EPHA6: variants seen among roughly 807,000 people sequenced by gnomAD.
EPHA6 encodes ephrin type-A receptor 6.
Under a neutral mutation model 112.0 loss-of-function variants are expected in EPHA6, and 50 were observed. The ratio of observed to expected loss-of-function variants is 0.45; its 90% CI spans 0.36 to 0.56. The LOEUF is 0.56. Ranked by LOEUF, EPHA6 falls within the 20% of genes least tolerant of loss-of-function variation. EPHA6 has a pLI of 0.00. For missense variants in EPHA6, 1,280 were observed against 1,417.4 expected (o/e 0.90, Z 1.56); for synonymous variants, 529 against 490.7 (o/e 1.08, Z -1.03).
In EPHA6 at chr3:97,756,498, T is replaced by C. The variant is rs376999441; in HGVS notation, c.*7797T>C. 7.9e-5 allele frequency among the ~76,000 whole-genome samples: 12 copies of C among 152,088 alleles called. No individual in the cohort carries two copies. The East Asian group carries it at 2.1e-3, about 27-fold the overall frequency. ...AGCTTTTCAAAATTGCTGCTCTGCATGGAAAGTAAGGTTTAATGTGTATAA... is the reference window on the plus strand; with the variant it reads ...AGCTTTTCAAAATTGCTGCTCTGCACGGAAAGTAAGGTTTAATGTGTATAA... On this transcript the variant is annotated 3_prime_UTR_variant, in exon 18 of 18. Transcript: ENST00000389672.
At chr3:97,186,518 T>A (rs2077142142) in intron 3 of EPHA6, among the ~76,000 whole-genome samples, 1 of 152,160 alleles carries the variant, frequency 6.6e-6, no homozygotes, top group Non-Finnish European at 1.5e-5. Context: ...ATGCCTTTAA[T>A]ATCTTTTCGC....
chr3:97,759,774 G>A lies in EPHA6; in HGVS notation c.*11073G>A. On this transcript the variant is annotated 3_prime_UTR_variant, in exon 18 of 18. Transcript: ENST00000389672. ...GCAGGATGGGAAGGACGTATAGGTT[G>A]GAAGAGACATATGTAAGTAGTTGGA... The A allele has an allele frequency of 4.4e-6, 1 of 225,526 alleles. No homozygotes were observed. Among genetic ancestry groups the A allele is most frequent in the East Asian group, 6.4e-5 (1 of 15,638 alleles). 14.0% of individuals were successfully genotyped at this position (225,526 alleles called of 1,614,324 possible).
intron 3 of EPHA6, among the ~76,000 whole-genome samples, chr3:97,028,081 TG>T (rs2044704340): frequency 6.6e-6 from 1 of 152,056 alleles, no homozygotes; most frequent in Non-Finnish European, 1.5e-5. Context: ...GTTCCAAAAG[TG>T]GGAAATAAAA....
chr3:97,561,657 C>T (rs756766171), intron 11 of EPHA6, among the ~76,000 whole-genome samples: 22 of 152,170 alleles, frequency 1.4e-4, no homozygotes, highest in Non-Finnish European at 2.5e-4. Flanking sequence ...TGCAAGTTAT[C>T]CAGAAGATCT....
intron 3 of EPHA6, chr3:96,994,230 A>G: frequency 2.5e-6 from 1 of 401,144 alleles, no homozygotes; most frequent in South Asian, 2.4e-5. Flanking sequence ...GGGTTGCTTT[A>G]TTATACATAG....
rs1437620 is a variant in EPHA6 at position 97,524,837 on chromosome 3, A to G, written c.2201-7521A>G. Among the ~76,000 whole-genome samples the G allele has an allele frequency of 0.035, 5,402 of 152,234 alleles. 582 individuals are homozygous for G. The East Asian group carries it at 0.4, about 11-fold the overall frequency. ...CAAGGTTTCTGTTGAGAAGTCATGT[A>G]TAGTCCTATGGGAGATCATTTTTAT... On this transcript the variant is annotated intron_variant, in intron 10 of 17. Transcript: ENST00000389672.
At chr3:97,259,477 C>T (rs913534510) in intron 5 of EPHA6, among the ~76,000 whole-genome samples, 1 of 152,140 alleles carries the variant, frequency 6.6e-6, no homozygotes, top group African/African-American at 2.4e-5. Flanking sequence ...TGATGCAATA[C>T]TTTCCAAATA....
intron 3 of EPHA6, among the ~76,000 whole-genome samples, chr3:97,092,457 G>A (rs1431710710): frequency 6.6e-6 from 1 of 152,066 alleles, no homozygotes; most frequent in East Asian, 1.9e-4. Context: ...TCTTAGGCCT[G>A]AGCGAAAATA....
intron 5 of EPHA6, among the ~76,000 whole-genome samples, chr3:97,306,323 C>G (rs1184972358): frequency 7.0e-6 from 1 of 143,112 alleles, no homozygotes; most frequent in African/African-American, 2.6e-5. Flanking sequence ...TAAAGTGTTC[C>G]TCTTATCTAT....
intron 3 of EPHA6, among the ~76,000 whole-genome samples, chr3:97,097,087 GA>G (rs1340114064): frequency 3.3e-5 from 5 of 151,226 alleles, no homozygotes; most frequent in African/African-American, 1.2e-4. Context: ...ATGATATTAT[GA>G]AAAAAAGAAA....
chr3:97,166,676 G>C (rs2076551342), intron 3 of EPHA6, among the ~76,000 whole-genome samples: 1 of 152,150 alleles, frequency 6.6e-6, no homozygotes, highest in Non-Finnish European at 1.5e-5. Context: ...CATTCCTCAG[G>C]ATGGGCCAGA....
intron 4 of EPHA6, among the ~76,000 whole-genome samples, chr3:97,234,102 T>G (rs1011110027): frequency 6.6e-6 from 1 of 152,114 alleles, no homozygotes; most frequent in Non-Finnish European, 1.5e-5. Context: ...TAATCCTAAT[T>G]TATTCACATA....
At chr3:97,545,492 G>T (rs1042588422) in intron 11 of EPHA6, among the ~76,000 whole-genome samples, 6 of 152,110 alleles carry the variant, frequency 3.9e-5, no homozygotes, top group African/African-American at 1.4e-4. Context: ...CAACTGTGTG[G>T]TCAATTTTGG....
intron 6 of EPHA6, 115 bp downstream of exon 6, chr3:97,405,389 A>C: frequency 1.2e-6 from 1 of 838,138 alleles, no homozygotes; most frequent in Non-Finnish European, 1.8e-6. Context: ...TCTTTGGCCT[A>C]GCCTCATACC....
At chr3:97,191,881 T>C (rs1252379637) in intron 3 of EPHA6, among the ~76,000 whole-genome samples, 3 of 152,106 alleles carry the variant, frequency 2.0e-5, no homozygotes, top group Non-Finnish European at 4.4e-5. Flanking sequence ...GGCTGTTCCA[T>C]TTTTTAGTTT....
chr3:97,153,884 G>A (rs780985172), intron 3 of EPHA6, among the ~76,000 whole-genome samples: 2 of 151,992 alleles, frequency 1.3e-5, no homozygotes, highest in Non-Finnish European at 2.9e-5. Flanking sequence ...GGCAAACTTC[G>A]GCTGAGTGCA....
At chr3:97,491,347 G>T (rs2091832605) in intron 10 of EPHA6, among the ~76,000 whole-genome samples, 1 of 152,114 alleles carries the variant, frequency 6.6e-6, no homozygotes, top group Admixed American at 6.5e-5. Context: ...TCACATCAAA[G>T]ATATCAAAGA....
intron 7 of EPHA6, among the ~76,000 whole-genome samples, chr3:97,473,850 T>C (rs1306816191): frequency 6.6e-6 from 1 of 151,868 alleles, no homozygotes; most frequent in East Asian, 1.9e-4. Context: ...ATTTAACTTG[T>C]CTCTGCACAG....
At chr3:97,005,242 C>A (rs774401049) in intron 3 of EPHA6, among the ~76,000 whole-genome samples, 2 of 152,092 alleles carry the variant, frequency 1.3e-5, no homozygotes, top group Non-Finnish European at 2.9e-5. Flanking sequence ...ATCTTCGTAT[C>A]CATGAGGATG....
Sources: gnomAD v4.1 joint callset for allele counts (sites outside exome capture counted in the v4.1 genomes callset) on GRCh38, gnomAD v4.1.1 for gene constraint, MANE v1.5 for transcripts, NCBI Gene and HGNC (gene_info 2026-07-23, HGNC 2026-07-21) for gene names.